Variants in BCL9 observed in about 807,000 individuals in gnomAD.
BCL9 encodes the protein B-cell CLL/lymphoma 9 protein.
In BCL9, 25 loss-of-function variants were observed where a neutral mutation model predicts 88.5. The observed-to-expected ratio is 0.28, with a 90% confidence interval of 0.21 to 0.39. The LOEUF (loss-of-function observed/expected upper bound fraction) is 0.39. BCL9 is among the 10% of genes least tolerant of loss of function. The pLI is 1.00. For synonymous variants in BCL9, 711 were observed against 673.3 expected (o/e 1.06, Z -0.87); for missense variants, 1,817 against 1,877.8 (o/e 0.97, Z 0.60).
Position 147,604,241 on chromosome 1 carries a change from C to T in BCL9, c.-477-536C>T, listed in dbSNP as rs914266830. Among the ~76,000 whole-genome samples, 4 of 152,112 alleles carry T rather than the reference C, an allele frequency of 2.6e-5. No individual in the cohort carries two copies. The East Asian group carries it at 5.8e-4, about 22-fold the overall frequency. On this transcript the variant is annotated intron_variant, in intron 1 of 9. Transcript: ENST00000234739. ...CCCAGGAGGTTCACAAACATTTTCC[C>T]GTCCCCCAGGTCTATCCACAGACCT...
At chr1:147,618,315 G>C (rs1658396065) in intron 7 of BCL9, among the ~76,000 whole-genome samples, 1 of 152,186 alleles carries the variant, frequency 6.6e-6, no homozygotes, top group Non-Finnish European at 1.5e-5. Context: ...TCGGCTGGTA[G>C]AATACAGAGC....
chr1:147,623,746 A>G, intron 9 of BCL9, 96 bp from the exon 10 acceptor site: 1 of 1,362,372 alleles, frequency 7.3e-7, no homozygotes, highest in Non-Finnish European at 1.0e-6. Flanking sequence ...TATACTATGC[A>G]CATTGGATGC....
rs587659491 is a variant in BCL9 at position 147,604,430 on chromosome 1, CCATTT to C, written c.-477-344_-477-340del. Among the ~76,000 whole-genome samples the C allele has an allele frequency of 1.1e-4, 17 of 152,272 alleles. No individual in the cohort carries two copies. The East Asian group carries it at 3.3e-3, about 29-fold the overall frequency. On this transcript the variant is annotated intron_variant, in intron 1 of 9. Coordinates refer to ENST00000234739, the MANE Select transcript of BCL9 (RefSeq NM_004326.4). ...CATAGAGAAGACATGAAACAAAAGT[CCATTT>C]CACAACCTGTGATGACTGTTTTTGA...
intron 1 of BCL9, among the ~76,000 whole-genome samples, chr1:147,600,014 G>C (rs1339314667): frequency 6.6e-6 from 1 of 151,172 alleles, no homozygotes; most frequent in African/African-American, 2.4e-5. Context: ...CGTCGGGCCG[G>C]TGGGGAGGGG....
At chr1:147,577,198 A>G (rs1316259795) in intron 1 of BCL9, among the ~76,000 whole-genome samples, 1 of 152,204 alleles carries the variant, frequency 6.6e-6, no homozygotes, top group Admixed American at 6.5e-5. Context: ...CAAGGAGTAC[A>G]CTAGCCAAGG....
At position 147,624,767 on chromosome 1, in the gene BCL9, G is replaced by A; in HGVS notation, c.4089G>A (p.Arg1363=). The change falls in exon 10 of 10, where the codon CGG becomes CGA. Residue 1363 remains arginine, a synonymous_variant. Transcript: ENST00000234739. This position sits in a 1 kb window ranked among gnomAD's most constrained non-coding sequence, Gnocchi z 4.4. ...AAVGMIPGKD[R]GPAGLYTHPG... ...TGGGCATGATTCCTGGCAAGGATCGGGGGCCTGCCGGGCTCTACACCCACC... is the reference window on the plus strand; with the variant it reads ...TGGGCATGATTCCTGGCAAGGATCGAGGGCCTGCCGGGCTCTACACCCACC... 4 of 1,614,130 alleles carry A rather than the reference G, an allele frequency of 2.5e-6. No individual in the cohort carries two copies. The highest frequency in any genetic ancestry group is 3.4e-6 in the Non-Finnish European group (4 of 1,179,994).
At chr1:147,542,005 C>A (rs1419716208) in intron 1 of BCL9, among the ~76,000 whole-genome samples, 2 of 152,128 alleles carry the variant, frequency 1.3e-5, no homozygotes, top group Non-Finnish European at 2.9e-5. Flanking sequence ...AAGGGCAGAG[C>A]CTTGGTTCAG....
chr1:147,582,090 A>G (rs1656396094), intron 1 of BCL9, among the ~76,000 whole-genome samples: 1 of 152,224 alleles, frequency 6.6e-6, no homozygotes, highest in Non-Finnish European at 1.5e-5. Context: ...GTTTCTGTCT[A>G]TATAAATTGT....
At chr1:147,565,604 G>A (rs587650228) in intron 1 of BCL9, among the ~76,000 whole-genome samples, 60 of 152,288 alleles carry the variant, frequency 3.9e-4, no homozygotes, top group African/African-American at 1.3e-3. Flanking sequence ...TTGGGAGCTA[G>A]AGTGTTCTGT....
chr1:147,603,877 C>A (rs1657523089), intron 1 of BCL9, among the ~76,000 whole-genome samples: 1 of 152,076 alleles, frequency 6.6e-6, no homozygotes, highest in South Asian at 2.1e-4. Flanking sequence ...AGAGGACCCC[C>A]TTCTGAGAAC....
At chr1:147,551,494 C>T (rs634309) in intron 1 of BCL9, among the ~76,000 whole-genome samples, 4,953 of 152,196 alleles carry the variant, frequency 0.033, 138 homozygotes, top group African/African-American at 0.075. Context: ...GGTACTGTTA[C>T]GGTTCAGCTG....
Position 147,620,737 on chromosome 1 carries a change from A to G in BCL9, c.2582A>G (p.Asn861Ser). 1 of 1,614,014 alleles carries G rather than the reference A, an allele frequency of 6.2e-7. No homozygotes were observed. Among genetic ancestry groups the G allele is most frequent in the Non-Finnish European group, 8.5e-7 (1 of 1,180,012 alleles). ...AGCCAGGTGCATTCCCCAGGCATTAACCCTCTGAAGTCTCCCACGATGCAC... is the reference window on the plus strand; with the variant it reads ...AGCCAGGTGCATTCCCCAGGCATTAGCCCTCTGAAGTCTCCCACGATGCAC... The part of the protein sequence containing the change: ...AGSQVHSPGI[N>S]PLKSPTMHQV... The change falls in exon 8 of 10, where the codon AAC (asparagine) becomes AGC (serine). Residue 861 changes from asparagine (N) to serine (S), a missense_variant. Around this residue, in one of 2 missense-constraint regions of BCL9, gnomAD observed 1,228 missense variants for 1,191.6 expected, o/e 1.03. Coordinates refer to ENST00000234739, the MANE Select transcript of BCL9 (RefSeq NM_004326.4).
At chr1:147,562,774 G>A (rs1190343650) in intron 1 of BCL9, among the ~76,000 whole-genome samples, 1 of 152,110 alleles carries the variant, frequency 6.6e-6, no homozygotes, top group African/African-American at 2.4e-5. Context: ...AGTGTGGACG[G>A]GGGGTGGCAG....
At chr1:147,554,677 T>A (rs1655027215) in intron 1 of BCL9, among the ~76,000 whole-genome samples, 3 of 152,216 alleles carry the variant, frequency 2.0e-5, no homozygotes, top group Admixed American at 2.0e-4. Flanking sequence ...GCGACCTGGG[T>A]TCTAGTCCTT....
intron 1 of BCL9, among the ~76,000 whole-genome samples, chr1:147,595,940 A>T (rs1657026819): frequency 6.6e-6 from 1 of 152,170 alleles, no homozygotes; most frequent in African/African-American, 2.4e-5. Flanking sequence ...ACAAAACTTG[A>T]ATTTTAGAAG....
intron 1 of BCL9, among the ~76,000 whole-genome samples, chr1:147,546,640 A>G (rs1206452310): frequency 2.6e-5 from 4 of 152,198 alleles, no homozygotes; most frequent in African/African-American, 9.7e-5. Context: ...TACTTCATGA[A>G]TCTGGTCTTT....
At chr1:147,586,137 TA>T (rs1416730932) in intron 1 of BCL9, among the ~76,000 whole-genome samples, 3 of 152,266 alleles carry the variant, frequency 2.0e-5, no homozygotes, top group Admixed American at 2.0e-4. Flanking sequence ...GCTTTTCTTT[TA>T]AAAGCTCTGC....
chr1:147,559,708 ACT>A (rs1553195845), intron 1 of BCL9, among the ~76,000 whole-genome samples: 1 of 152,068 alleles, frequency 6.6e-6, no homozygotes, highest in African/African-American at 2.4e-5. Context: ...ATAGAAATGT[ACT>A]CTCTTCCTTC....
At chr1:147,572,034 T>G (rs1655907952) in intron 1 of BCL9, among the ~76,000 whole-genome samples, 1 of 151,494 alleles carries the variant, frequency 6.6e-6, no homozygotes, top group Admixed American at 6.6e-5. Context: ...GGTCAGGAGA[T>G]CGAGACCATC....
Sources: allele counts gnomAD v4.1 joint callset (sites outside exome capture counted in the v4.1 genomes callset), GRCh38; gene constraint gnomAD v4.1.1; regional missense constraint gnomAD v4.1.1; non-coding constraint Gnocchi (gnomAD v3.1); transcripts MANE v1.5; gene names NCBI Gene and HGNC (gene_info 2026-07-23, HGNC 2026-07-21).